SNX18: variants seen among roughly 807,000 people sequenced by gnomAD.
SNX18 encodes the protein sorting nexin 18, also known as sorting nexin-18.
Under a neutral mutation model 48.7 loss-of-function variants are expected in SNX18, and 35 were observed. The ratio of observed to expected loss-of-function variants is 0.72; its 90% CI spans 0.55 to 0.95. The LOEUF (loss-of-function observed/expected upper bound fraction) is 0.95, where lower values mean the gene tolerates loss of function less well. Ranked by LOEUF, SNX18 falls within the 40% of genes least tolerant of loss-of-function variation. The pLI, the probability that SNX18 is intolerant of heterozygous loss-of-function variation, is 0.00. For synonymous variants in SNX18, 492 were observed against 384.7 expected (o/e 1.28, Z -3.26); for missense variants, 824 against 871.0 (o/e 0.95, Z 0.68).
intron 1 of SNX18, among the ~76,000 whole-genome samples, chr5:54,541,641 G>C (rs1318848639): frequency 1.3e-5 from 2 of 152,104 alleles, no homozygotes; most frequent in Non-Finnish European, 2.9e-5. Context: ...CTGTGCACCT[G>C]CAGTACATGT....
the SNX18 span, among the ~76,000 whole-genome samples, chr5:54,574,652 C>T: frequency 2.6e-5 from 4 of 152,110 alleles, no homozygotes; most frequent in African/African-American, 9.7e-5. Flanking sequence ...CACAGGAACT[C>T]AGGTGGCACG....
chr5:54,557,496 C>T, the SNX18 span, among the ~76,000 whole-genome samples: 1 of 152,112 alleles, frequency 6.6e-6, no homozygotes, highest in Non-Finnish European at 1.5e-5. Flanking sequence ...TCTAAAAGAT[C>T]GATGATCTGA....
chr5:54,637,224 T>G, the SNX18 span, among the ~76,000 whole-genome samples: 2 of 152,124 alleles, frequency 1.3e-5, no homozygotes, highest in African/African-American at 4.8e-5. Context: ...GAGAGAAGAA[T>G]TTTGCGACTT....
the SNX18 span, among the ~76,000 whole-genome samples, chr5:54,600,517 A>C: frequency 6.6e-6 from 1 of 152,228 alleles, no homozygotes; most frequent in African/African-American, 2.4e-5. Context: ...TGTTACAAAG[A>C]TACATGCACA....
chr5:54,633,030 C>T, the SNX18 span, among the ~76,000 whole-genome samples: 20 of 152,054 alleles, frequency 1.3e-4, no homozygotes, highest in African/African-American at 4.8e-4. Context: ...GCCTTGGCCT[C>T]CCAAAGTGCT....
At chr5:54,607,920 C>A in the SNX18 span, among the ~76,000 whole-genome samples, 1 of 151,890 alleles carries the variant, frequency 6.6e-6, no homozygotes, top group African/African-American at 2.4e-5. Flanking sequence ...GGTGACCGAG[C>A]AAGACTGTCT....
At chr5:54,647,815 T>C in the SNX18 span, among the ~76,000 whole-genome samples, 1 of 152,016 alleles carries the variant, frequency 6.6e-6, no homozygotes, top group Non-Finnish European at 1.5e-5. Context: ...GCAACAGGGA[T>C]GAAGAGTTGA....
intron 1 of SNX18, among the ~76,000 whole-genome samples, chr5:54,541,099 C>T (rs528809158): frequency 2.0e-5 from 3 of 152,080 alleles, no homozygotes; most frequent in Admixed American, 6.5e-5. Context: ...GCAATCTCGG[C>T]GCAATGCAAC....
chr5:54,642,067 G>A, the SNX18 span, among the ~76,000 whole-genome samples: 1 of 152,192 alleles, frequency 6.6e-6, no homozygotes, highest in South Asian at 2.1e-4. Flanking sequence ...AAATGGAGGA[G>A]GCTGATGAAG....
At chr5:54,583,226 C>T in the SNX18 span, among the ~76,000 whole-genome samples, 2 of 152,352 alleles carry the variant, frequency 1.3e-5, no homozygotes, top group African/African-American at 2.4e-5. Flanking sequence ...ACCCTCCCAC[C>T]TCAGCCTCCT....
At chr5:54,593,297 G>A in the SNX18 span, among the ~76,000 whole-genome samples, 1 of 151,994 alleles carries the variant, frequency 6.6e-6, no homozygotes, top group South Asian at 2.1e-4. Context: ...AACCTAATGG[G>A]GCTCAAAAGT....
In SNX18 at chr5:54,518,482, C is replaced by G; in HGVS notation, c.530C>G (p.Pro177Arg). 6.4e-7 allele frequency: 1 copy of G among 1,569,208 alleles called. No homozygotes were observed. The highest frequency in any genetic ancestry group is 2.4e-5 in the East Asian group (1 of 42,028). ...GGCGCTCTGGGCAGCGGAGCATACC[C>G]GGACCTCGACGGCTCGTCTTCGGCG... ...EPGALGSGAY[P>R]DLDGSSSAGV... Residue 177 changes from proline (P) to arginine (R), a missense_variant, in exon 1 of 2, where the codon CCG becomes CGG. This residue lies in a region of SNX18 where 377 missense variants were observed against 350.6 expected (regional missense o/e 1.08). Coordinates refer to ENST00000381410, the MANE Select transcript of SNX18 (RefSeq NM_001102575.2).
At chr5:54,617,179 C>T in the SNX18 span, among the ~76,000 whole-genome samples, 2 of 152,198 alleles carry the variant, frequency 1.3e-5, no homozygotes, top group Non-Finnish European at 2.9e-5. Flanking sequence ...ACCAGTGAAG[C>T]CGCAAGGCCT....
At chr5:54,576,078 G>A in the SNX18 span, among the ~76,000 whole-genome samples, 4 of 151,904 alleles carry the variant, frequency 2.6e-5, no homozygotes, top group African/African-American at 7.3e-5. Flanking sequence ...TTATTAGATC[G>A]ACCCAAGGAT....
downstream of SNX18, among the ~76,000 whole-genome samples, chr5:54,549,853 G>A (rs1762625864): frequency 2.0e-5 from 3 of 152,198 alleles, no homozygotes; most frequent in South Asian, 6.2e-4. Context: ...GTGCCTCTGA[G>A]TGGCTTTTGG....
At chr5:54,556,528 G>C in the SNX18 span, among the ~76,000 whole-genome samples, 109,379 of 152,050 alleles carry the variant, frequency 0.72, 40,009 homozygotes, top group Non-Finnish European at 0.79. Flanking sequence ...CTGGTATAAT[G>C]TAGGAGACTC....
At chr5:54,576,610 G>A in the SNX18 span, among the ~76,000 whole-genome samples, 1 of 152,142 alleles carries the variant, frequency 6.6e-6, no homozygotes. Flanking sequence ...TTTCTTATGT[G>A]CACCCCTCCC....
chr5:54,613,784 C>A, the SNX18 span, among the ~76,000 whole-genome samples: 28 of 152,158 alleles, frequency 1.8e-4, no homozygotes, highest in African/African-American at 6.7e-4. Context: ...CTGCAACCTC[C>A]GCCTCCTGGG....
the SNX18 span, among the ~76,000 whole-genome samples, chr5:54,571,502 C>G: frequency 6.6e-6 from 1 of 152,174 alleles, no homozygotes; most frequent in Non-Finnish European, 1.5e-5. Context: ...TCTCTGAAGT[C>G]TTCGTTCCAA....
Sources: allele counts gnomAD v4.1 joint callset (sites outside exome capture counted in the v4.1 genomes callset), GRCh38; gene constraint gnomAD v4.1.1; regional missense constraint gnomAD v4.1.1; transcripts MANE v1.5; gene names NCBI Gene and HGNC (gene_info 2026-07-23, HGNC 2026-07-21).